The following EFCAB13 variants were observed in gnomAD, a reference collection of about 807,000 sequenced individuals.
The protein encoded by EFCAB13 is EF-hand calcium binding domain 13, also known as EF-hand calcium-binding domain-containing protein 13.
A neutral mutation model predicts 110.2 loss-of-function variants in EFCAB13; 91 were observed. The ratio of observed to expected loss-of-function variants is 0.83; its 90% confidence interval spans 0.70 to 0.98. The LOEUF is 0.98. EFCAB13 is among the 50% of genes least tolerant of loss of function. The probability of loss-of-function intolerance (pLI) is 0.00; values close to 1 mark genes in which losing one functional copy is unlikely to be tolerated. For synonymous variants in EFCAB13, 323 were observed against 369.9 expected (o/e 0.87, Z 1.45); for missense variants, 968 against 1,119.4 (o/e 0.86, Z 1.93).
At chr17:47,386,917 G>A (rs938010573) in intron 14 of EFCAB13, among the ~76,000 whole-genome samples, 2 of 144,866 alleles carry the variant, frequency 1.4e-5, no homozygotes, top group Non-Finnish European at 3.0e-5. Flanking sequence ...CTTGCACTTC[G>A]TGGGTGAGGC....
At chr17:47,409,569 A>G (rs978002846) in intron 20 of EFCAB13, 78 bp from the exon 21 acceptor site, 120 of 1,056,850 alleles carry the variant, frequency 1.1e-4, no homozygotes, top group Middle Eastern at 2.0e-4. Flanking sequence ...TATTCAATCT[A>G]TCCATTGGTT....
chr17:47,356,467 CA>C (rs1490804998), intron 9 of EFCAB13, among the ~76,000 whole-genome samples: 1 of 152,160 alleles, frequency 6.6e-6, no homozygotes, highest in Non-Finnish European at 1.5e-5. Flanking sequence ...TCCTGAGAGC[CA>C]AACTGCAGTA....
At chr17:47,402,688 C>T (rs1437963276) in intron 18 of EFCAB13, among the ~76,000 whole-genome samples, 1 of 152,140 alleles carries the variant, frequency 6.6e-6, no homozygotes, top group African/African-American at 2.4e-5. Flanking sequence ...AGGCCAGGCT[C>T]ATCCTTATTA....
At chr17:47,332,085 C>T (rs748452016) in intron 4 of EFCAB13, among the ~76,000 whole-genome samples, 2 of 152,084 alleles carry the variant, frequency 1.3e-5, no homozygotes, top group Non-Finnish European at 2.9e-5. Flanking sequence ...TAAATACTAA[C>T]AAGTGCAATA....
At chr17:47,386,769 C>G (rs1045585042) in intron 14 of EFCAB13, among the ~76,000 whole-genome samples, 1 of 152,140 alleles carries the variant, frequency 6.6e-6, no homozygotes, top group South Asian at 2.1e-4. Context: ...GGTGTAGGCA[C>G]GCGAAGGAAT....
intron 18 of EFCAB13, 110 bp downstream of exon 18, chr17:47,402,313 C>A: frequency 1.0e-6 from 1 of 990,862 alleles, no homozygotes; most frequent in Non-Finnish European, 1.5e-6. Context: ...AACATGTTGG[C>A]ATTGATATGT....
chr17:47,361,038 A>G (rs1191636846), intron 9 of EFCAB13, among the ~76,000 whole-genome samples: 6 of 152,150 alleles, frequency 3.9e-5, no homozygotes, highest in Non-Finnish European at 1.5e-5. Context: ...AAAATTATAG[A>G]CTCTGACATT....
chr17:47,334,216 T>C (rs2143230561), intron 4 of EFCAB13, among the ~76,000 whole-genome samples: 2 of 152,242 alleles, frequency 1.3e-5, no homozygotes, highest in South Asian at 4.1e-4. Flanking sequence ...CATTATAATG[T>C]TGAGCCTCTT....
At chr17:47,416,568 A>G (rs536565494) in intron 23 of EFCAB13, among the ~76,000 whole-genome samples, 1 of 151,704 alleles carries the variant, frequency 6.6e-6, no homozygotes, top group Non-Finnish European at 1.5e-5. Context: ...TAGTTTTACA[A>G]CCCTTTCCCC....
At chr17:47,334,670 C>G (rs1022069552) in intron 4 of EFCAB13, among the ~76,000 whole-genome samples, 2 of 152,152 alleles carry the variant, frequency 1.3e-5, no homozygotes, top group African/African-American at 4.8e-5. Flanking sequence ...AATTCTAGCA[C>G]TTTGGGAGGC....
At chr17:47,350,836 A>T (rs1220527526) in intron 9 of EFCAB13, among the ~76,000 whole-genome samples, 1 of 152,110 alleles carries the variant, frequency 6.6e-6, no homozygotes, top group African/African-American at 2.4e-5. Context: ...GGTGTTCATG[A>T]CCTGATGTTA....
chr17:47,342,109 A>T (rs543162581), intron 6 of EFCAB13, 77 bp downstream of exon 6: 2 of 790,510 alleles, frequency 2.5e-6, no homozygotes, highest in South Asian at 3.6e-5. Context: ...TAAATTTTTT[A>T]GTCCAAGTGT....
Position 47,440,893 on chromosome 17 carries a change from A to G in EFCAB13, c.*179A>G. ...GCGACTCTCTTGATCACACTTTTTAAACATTCATGCTTTTTGAGGTATAAT... is the reference window on the plus strand; with the variant it reads ...GCGACTCTCTTGATCACACTTTTTAGACATTCATGCTTTTTGAGGTATAAT... On this transcript the variant is annotated 3_prime_UTR_variant, in exon 25 of 25. Transcript: ENST00000331493. 4.1e-6 allele frequency: 2 copies of G among 488,194 alleles called. No individual in the cohort carries two copies. Among genetic ancestry groups the G allele is most frequent in the South Asian group, 7.6e-5 (2 of 26,318 alleles). 30.2% of individuals were successfully genotyped at this position (488,194 alleles called of 1,614,324 possible).
At chr17:47,344,102 G>T in intron 6 of EFCAB13, 60 bp from the exon 7 acceptor site, 1 of 1,548,158 alleles carries the variant, frequency 6.5e-7, no homozygotes. Context: ...TATCATCCAA[G>T]AATGCTGAAT....
intron 18 of EFCAB13, among the ~76,000 whole-genome samples, 186 bp from the exon 19 acceptor site, chr17:47,403,692 G>A (rs769048063): frequency 3.3e-5 from 5 of 152,122 alleles, no homozygotes; most frequent in African/African-American, 4.8e-5. Context: ...CCAGAGAAAC[G>A]TGATAGATCA....
intron 14 of EFCAB13, among the ~76,000 whole-genome samples, chr17:47,385,522 G>A (rs113491530): frequency 0.011 from 1,727 of 151,928 alleles, 36 homozygotes; most frequent in African/African-American, 0.039. Flanking sequence ...CTCTAAATTG[G>A]TTGTTCTATT....
At chr17:47,341,073 T>C (rs2065381753) in intron 5 of EFCAB13, among the ~76,000 whole-genome samples, 1 of 152,122 alleles carries the variant, frequency 6.6e-6, no homozygotes, top group Non-Finnish European at 1.5e-5. Context: ...TTCAAGCCTC[T>C]AGAATCCTAC....
chr17:47,345,873 T>G (rs1217224147), intron 8 of EFCAB13, among the ~76,000 whole-genome samples: 4 of 152,158 alleles, frequency 2.6e-5, no homozygotes, highest in Non-Finnish European at 5.9e-5. Context: ...CTCTCCTGTT[T>G]CCTTTGGTAT....
At chr17:47,403,334 A>G (rs2065788628) in intron 18 of EFCAB13, among the ~76,000 whole-genome samples, 1 of 152,188 alleles carries the variant, frequency 6.6e-6, no homozygotes, top group East Asian at 1.9e-4. Flanking sequence ...TAGACGAGAC[A>G]TTAAGTAGTA....
Sources: gnomAD v4.1 joint callset for allele counts (sites outside exome capture counted in the v4.1 genomes callset) on GRCh38, gnomAD v4.1.1 for gene constraint, MANE v1.5 for transcripts, NCBI Gene and HGNC (gene_info 2026-07-23, HGNC 2026-07-21) for gene names.